The following SEMA3D variants were observed in gnomAD, a reference collection of about 807,000 sequenced individuals.
SEMA3D encodes the protein semaphorin 3D, also known as semaphorin-3D.
Under a neutral mutation model 100.1 loss-of-function variants are expected in SEMA3D, and 84 were observed. The observed-to-expected ratio is 0.84, with a 90% CI of 0.70 to 1.01. The LOEUF (loss-of-function observed/expected upper bound fraction) is 1.01. SEMA3D is among the 50% of genes least tolerant of loss of function. The probability of loss-of-function intolerance (pLI) is 0.00; values close to 1 mark genes in which losing one functional copy is unlikely to be tolerated. For synonymous variants in SEMA3D, 312 were observed against 320.7 expected, an observed-to-expected ratio of 0.97 and a Z score of 0.29; for missense variants, 875 against 934.1, an observed-to-expected ratio of 0.94 and a Z score of 0.82.
chr7:85,077,059 T>C (rs1791945858), intron 5 of SEMA3D, among the ~76,000 whole-genome samples: 3 of 150,734 alleles, frequency 2.0e-5, no homozygotes, highest in Admixed American at 6.6e-5. Flanking sequence ...TGAGCCGAGA[T>C]TGCGCCACTG....
chr7:85,189,050 A>T (rs1333043124), upstream of SEMA3D, among the ~76,000 whole-genome samples: 2 of 152,308 alleles, frequency 1.3e-5, no homozygotes, highest in East Asian at 3.9e-4. Context: ...AATTTACCAG[A>T]GTATCCTGAA....
intron 1 of SEMA3D, among the ~76,000 whole-genome samples, chr7:85,167,652 T>TA (rs990675471): frequency 4.0e-5 from 6 of 151,640 alleles, no homozygotes; most frequent in Middle Eastern, 3.4e-3. Flanking sequence ...ATCCCCAGTT[T>TA]AAAAAAAATA....
chr7:85,198,256 T>C, the SEMA3D span, among the ~76,000 whole-genome samples: 4 of 152,152 alleles, frequency 2.6e-5, no homozygotes, highest in East Asian at 3.9e-4. Flanking sequence ...ATATCATTAC[T>C]AGGTATTTTA....
intron 9 of SEMA3D, 58 bp downstream of exon 9, chr7:85,055,658 AT>A (rs1791290229): frequency 2.1e-5 from 2 of 97,200 alleles, no homozygotes; most frequent in Non-Finnish European, 4.2e-5. Context: ...ATATATATAT[AT>A]ATATATATAT....
chr7:85,119,944 C>T (rs1035170140), intron 3 of SEMA3D, among the ~76,000 whole-genome samples: 13 of 150,312 alleles, frequency 8.6e-5, no homozygotes, highest in East Asian at 2.0e-4. Context: ...CTTTCCGAGT[C>T]GCACCATTAA....
rs1562843066 is a variant in SEMA3D, at chr7:85,168,825, GAAAGAAAGAAAGAAAGAAAGA to G, written c.-172-15107_-172-15087del. On this transcript the variant is annotated intron_variant, in intron 1 of 18. Coordinates refer to ENST00000284136, the MANE Select transcript of SEMA3D (RefSeq NM_001384900.1). ...AAGAAAGAAAGAAAGAAAGATGAAA[GAAAGAAAGAAAGAAAGAAAGA>G]AAGAAAGAAAGAAAGAAAGAAAGAA... 3.7e-4 allele frequency among the ~76,000 whole-genome samples: 9 copies of G among 24,118 alleles called. No individual in the cohort carries two copies. The East Asian group carries it at 0.025, about 67-fold the overall frequency. The allele number at this position is 24,118 out of a possible 152,430, so 15.8% of individuals were successfully genotyped here. A position where few individuals can be genotyped will look rare whatever the true frequency, so the allele number is the denominator to read the frequency against.
chr7:85,169,248 C>CAAA (rs1791019056), intron 1 of SEMA3D, among the ~76,000 whole-genome samples: 1 of 151,706 alleles, frequency 6.6e-6, no homozygotes, highest in Non-Finnish European at 1.5e-5. Flanking sequence ...AACCTTCAGA[C>CAAA]ACTAGTTCTG....
At chr7:85,028,935 G>T in intron 12 of SEMA3D, 1 of 273,514 alleles carries the variant, frequency 3.7e-6, no homozygotes, top group South Asian at 4.8e-5. Context: ...TGAAGCTGTT[G>T]CTTATGATGC....
At chr7:85,213,082 C>T in the SEMA3D span, among the ~76,000 whole-genome samples, 4 of 151,870 alleles carry the variant, frequency 2.6e-5, no homozygotes, top group African/African-American at 4.8e-5. Context: ...TACTATTGGA[C>T]GATTAGTTTT....
intron 2 of SEMA3D, among the ~76,000 whole-genome samples, chr7:85,125,414 G>A (rs909808547): frequency 3.3e-5 from 5 of 151,972 alleles, no homozygotes; most frequent in Non-Finnish European, 7.4e-5. Flanking sequence ...GAAGATTGAT[G>A]TTTTGGTTTT....
intron 2 of SEMA3D, among the ~76,000 whole-genome samples, chr7:85,138,650 A>AATATAATATATATAT (rs1789938320): frequency 1.1e-5 from 1 of 91,676 alleles, no homozygotes; most frequent in African/African-American, 6.9e-5. Flanking sequence ...ATATATATTT[A>AATATAATATATATAT]ATTTAATATA....
At position 85,146,354 on chromosome 7, in the gene SEMA3D, A is replaced by T. The variant is rs1790204321; in HGVS notation, c.-41+7254T>A. ...TAGATTACTTGAAGTCAGGAGTTCC[A>T]GAGCAGCCTGGCCAACATGGTGAAA... On this transcript the variant is annotated intron_variant, in intron 2 of 18. Transcript: ENST00000284136. Among the ~76,000 whole-genome samples the T allele has an allele frequency of 2.6e-5, 4 of 152,108 alleles. 1 individual carries two copies. The highest frequency in any genetic ancestry group is 9.6e-5 in the African/African-American group (4 of 41,510).
chr7:85,115,055 T>C (rs550031664), intron 3 of SEMA3D, among the ~76,000 whole-genome samples: 1 of 152,366 alleles, frequency 6.6e-6, no homozygotes, highest in South Asian at 2.1e-4. Flanking sequence ...AAAGAGTACA[T>C]GTAATCTTCT....
chr7:85,136,018 C>A (rs370663690), intron 2 of SEMA3D, among the ~76,000 whole-genome samples: 1 of 151,980 alleles, frequency 6.6e-6, no homozygotes, highest in Non-Finnish European at 1.5e-5. Context: ...TAAATAAATG[C>A]AAACCCAGAT....
intron 14 of SEMA3D, 127 bp from the exon 15 acceptor site, chr7:85,018,420 A>C (rs1007443459): frequency 1.4e-5 from 9 of 644,498 alleles, no homozygotes; most frequent in Non-Finnish European, 2.2e-5. Context: ...ATAAGGAAAT[A>C]AAGTTCTTAT....
chr7:85,141,782 A>C, intron 2 of SEMA3D: 3 of 790,252 alleles, frequency 3.8e-6, no homozygotes, highest in Non-Finnish European at 4.6e-6. Flanking sequence ...AAGTCTCATA[A>C]ATCTGGGAAA....
Position 84,999,565 on chromosome 7 carries a change from T to G in SEMA3D, c.2209A>C (p.Arg737=). ...TTGTTTCTCTGTCTCCGCTTCTCCC[T>G]GTGCCACATCTGTTCGCAGTACTGG... is the stretch of plus-strand genomic sequence containing the variant. The part of the protein sequence containing the change: ...LDQYCEQMWH[R]EKRRQRNKGG... Residue 737 remains arginine (R), a synonymous_variant, in exon 19 of 19, where the codon AGG becomes CGG. Transcript: ENST00000284136. The G allele has an allele frequency of 6.2e-7, 1 of 1,614,150 alleles. No individual in the cohort carries two copies. The highest frequency in any genetic ancestry group is 8.5e-7 in the Non-Finnish European group (1 of 1,180,018).
At position 85,041,167 on chromosome 7, in the gene SEMA3D, C is replaced by T. The variant is rs139503361; in HGVS notation, c.977-425G>A. 1,036 of 154,820 alleles carry T rather than the reference C, an allele frequency of 6.7e-3. 9 individuals carry two copies. Among genetic ancestry groups the T allele is most frequent in the African/African-American group, 0.024 (992 of 41,350 alleles). 9.6% of individuals were successfully genotyped at this position (154,820 alleles called of 1,614,324 possible). A position where few individuals can be genotyped will look rare whatever the true frequency, so the allele number is the denominator to read the frequency against. ...CTCCCTCCTGGGTTCAAGCAATTCT[C>T]CTGCCTCAGCCTCCCTAGTATCTAG... On this transcript the variant is annotated intron_variant, in intron 10 of 18. Transcript: ENST00000284136.
intron 17 of SEMA3D, 56 bp downstream of exon 17, chr7:85,012,726 A>G: frequency 3.1e-5 from 41 of 1,308,662 alleles, no homozygotes; most frequent in Non-Finnish European, 4.4e-5. Context: ...AAAAAGATAC[A>G]AAGAGTGGGC....
Sources: gnomAD v4.1 joint callset for allele counts (sites outside exome capture counted in the v4.1 genomes callset) on GRCh38, gnomAD v4.1.1 for gene constraint, MANE v1.5 for transcripts, NCBI Gene and HGNC (gene_info 2026-07-23, HGNC 2026-07-21) for gene names.